COL18A1: variants seen among roughly 807,000 people sequenced by gnomAD.
The protein encoded by COL18A1 is collagen alpha-1(XVIII) chain.
In COL18A1, 133 loss-of-function variants were observed where a neutral mutation model predicts 168.0. That is an observed-to-expected ratio of 0.79 (90% CI 0.69 to 0.91). COL18A1 has a LOEUF of 0.91. Among genes scored for constraint, COL18A1 ranks in the 40% least tolerant of loss-of-function variants. COL18A1 has a pLI of 0.00. For synonymous variants in COL18A1, 949 were observed against 809.0 expected, an observed-to-expected ratio of 1.17 and a Z score of -2.94; for missense variants, 2,126 against 1,925.4, an observed-to-expected ratio of 1.10 and a Z score of -1.95.
At chr21:45,466,915 C>T (rs79773774) in intron 2 of COL18A1, among the ~76,000 whole-genome samples, 4,439 of 152,314 alleles carry the variant, frequency 0.029, 229 homozygotes, top group African/African-American at 0.1. Flanking sequence ...ATCACAGCCC[C>T]AGCTTGGACA....
At position 45,512,559 on chromosome 21, in the gene COL18A1, A is replaced by G; in HGVS notation, c.*161A>G. 1 of 692,724 alleles carries G rather than the reference A, an allele frequency of 1.4e-6. No homozygotes were observed. The highest frequency in any genetic ancestry group is 1.8e-5 in the South Asian group (1 of 55,330). The allele number at this position is 692,724 out of a possible 1,614,324, so 42.9% of individuals were successfully genotyped here. On this transcript the variant is annotated 3_prime_UTR_variant, in exon 42 of 42. Transcript: ENST00000651438. The stretch of plus-strand genomic sequence containing the variant: ...AATCCTCAAGAAATAAAAGGAAGCC[A>G]AAGAGTGTATTTTTTTAAAAGTTTA...
intron 6 of COL18A1, among the ~76,000 whole-genome samples, 173 bp downstream of exon 6, chr21:45,476,653 TTTGA>T (rs1164665300): frequency 6.6e-6 from 1 of 151,402 alleles, no homozygotes; most frequent in Non-Finnish European, 1.5e-5. Context: ...ATGGCAGGTG[TTTGA>T]TGTGTGGTGT....
In COL18A1 at chr21:45,509,482, C is replaced by T; in HGVS notation, c.3376C>T (p.Pro1126Ser). The change falls in exon 39 of 42, where the codon CCT becomes TCT. Residue 1126 changes from proline (P) to serine (S), a missense_variant. Transcript: ENST00000651438. ...WRADDILASP[P>S]RLPEPQPYPG... Reference sequence around the variant, plus strand: ...GGCAGATGACATCCTGGCCAGCCCCCCTCGCCTGCCCGAGCCCCAGCCCTA... The same window carrying T: ...GGCAGATGACATCCTGGCCAGCCCCTCTCGCCTGCCCGAGCCCCAGCCCTA... 1 of 1,526,586 alleles carries T rather than the reference C, an allele frequency of 6.6e-7. No homozygotes were observed. The highest frequency in any genetic ancestry group is 8.8e-7 in the Non-Finnish European group (1 of 1,134,142). 94.6% of individuals were successfully genotyped at this position (1,526,586 alleles called of 1,614,324 possible). A position where few individuals can be genotyped will look rare whatever the true frequency, so the allele number is the denominator to read the frequency against.
intron 2 of COL18A1, among the ~76,000 whole-genome samples, chr21:45,445,573 G>A (rs545283491): frequency 1.3e-5 from 2 of 152,312 alleles, no homozygotes; most frequent in African/African-American, 4.8e-5. Flanking sequence ...GTCCCTTCCT[G>A]CAGCCTTGGG....
chr21:45,452,511 CGT>C (rs35453911), intron 2 of COL18A1, among the ~76,000 whole-genome samples: 32,137 of 151,368 alleles, frequency 0.21, 3,356 homozygotes, highest in East Asian at 0.25. Context: ...ATTCACGTGA[CGT>C]GTGAGCATGC....
chr21:45,449,496 A>G (rs2034575117), intron 2 of COL18A1, among the ~76,000 whole-genome samples: 1 of 152,120 alleles, frequency 6.6e-6, no homozygotes, highest in South Asian at 2.1e-4. Flanking sequence ...GGGAAGAGCT[A>G]AGAGAAGCCT....
intron 2 of COL18A1, among the ~76,000 whole-genome samples, chr21:45,434,655 C>T (rs1229375010): frequency 6.6e-6 from 1 of 152,242 alleles, no homozygotes; most frequent in Non-Finnish European, 1.5e-5. Context: ...AATGAATTTG[C>T]ATCTGGACGT....
rs771434230 is a variant in COL18A1 at position 45,405,507 on chromosome 21, G to T, written c.106+34G>T. On this transcript the variant is annotated intron_variant, in intron 2 of 41. Transcript: ENST00000651438. ...CGGGCGGGACGGGAAGGTTCGCGCC[G>T]GTGCCCGCCGGCCTCGCCGCCCTGG... is the stretch of plus-strand genomic sequence containing the variant. 4.4e-5 allele frequency: 55 copies of T among 1,255,808 alleles called. No homozygotes were observed. The African/African-American group carries it at 4.9e-4, about 11-fold the overall frequency. 77.8% of individuals were successfully genotyped at this position (1,255,808 alleles called of 1,614,324 possible). A position where few individuals can be genotyped will look rare whatever the true frequency, so the allele number is the denominator to read the frequency against.
At chr21:45,435,965 C>A (rs2034084714) in intron 2 of COL18A1, among the ~76,000 whole-genome samples, 1 of 152,216 alleles carries the variant, frequency 6.6e-6, no homozygotes, top group Admixed American at 6.5e-5. Context: ...TCCTTCACAG[C>A]AGAGCTGTGG....
At chr21:45,484,822 AG>A (rs1175135231) in intron 15 of COL18A1, among the ~76,000 whole-genome samples, 2 of 152,178 alleles carry the variant, frequency 1.3e-5, no homozygotes, top group Non-Finnish European at 2.9e-5. Context: ...TGAGTTAAGC[AG>A]GGGAGGAATA....
chr21:45,480,420 G>A (rs367920042), intron 11 of COL18A1, 47 bp from the exon 12 acceptor site: 15 of 1,613,476 alleles, frequency 9.3e-6, no homozygotes, highest in South Asian at 4.4e-5. Context: ...TAGGCCAGGC[G>A]GGGGGCCGAG....
rs540468774 is a variant in COL18A1, at chr21:45,506,105, T to C, written c.3216+139T>C. ...CAGCGCTTCTTAAACTTTCAAACTT[T>C]TGGTAAAGTTTAGTAAAATACTTTT... On this transcript the variant is annotated intron_variant, in intron 37 of 41. Transcript: ENST00000651438. 2.6e-4 allele frequency: 347 copies of C among 1,338,818 alleles called. 2 individuals carry two copies. In the African/African-American group the frequency reaches 4.4e-3, roughly 17 times the overall value. 82.9% of individuals were successfully genotyped at this position (1,338,818 alleles called of 1,614,324 possible).
intron 9 of COL18A1, 48 bp from the exon 10 acceptor site, chr21:45,479,853 GC>G (rs1568907762): frequency 1.9e-6 from 3 of 1,611,362 alleles, no homozygotes; most frequent in Non-Finnish European, 2.5e-6. Context: ...GCTGGGTGCG[GC>G]CCATGGTGGT....
rs1391278333 is a variant in COL18A1, at chr21:45,505,928, C to G, written c.3178C>G (p.Leu1060Val). Residue 1060 changes from leucine to valine, a missense_variant, in exon 37 of 42, where the codon CTC (leucine) becomes GTC (valine). By Grantham distance (32) the Leu-to-Val change is conservative (BLOSUM62 1). Transcript: ENST00000651438. ...CATCTTCGTGGCCGAGCAGGAGGAG[C>G]TCTACGTCCGCGTGCAGAACGGGTT... ...WLIFVAEQEE[L>V]YVRVQNGFRK... The G allele has an allele frequency of 6.2e-7, 1 of 1,613,106 alleles. No individual in the cohort carries two copies. The highest frequency in any genetic ancestry group is 1.3e-5 in the African/African-American group (1 of 74,928).
chr21:45,489,838 TC>T (rs1395606275), intron 19 of COL18A1, among the ~76,000 whole-genome samples: 2 of 10,762 alleles, frequency 1.9e-4, no homozygotes, highest in African/African-American at 8.6e-4. Flanking sequence ...GACTTCCCCC[TC>T]CCCCACACTG....
chr21:45,486,791 G>C, intron 15 of COL18A1, 70 bp from the exon 16 acceptor site: 1 of 1,500,346 alleles, frequency 6.7e-7, no homozygotes, highest in Non-Finnish European at 8.9e-7. Context: ...AAGAAAACGT[G>C]TCTACGCTGG....
At chr21:45,429,027 C>T (rs568789328) in intron 2 of COL18A1, among the ~76,000 whole-genome samples, 2 of 151,964 alleles carry the variant, frequency 1.3e-5, no homozygotes, top group South Asian at 2.1e-4. Context: ...CTCAGCCTCC[C>T]GAGTAGCTGG....
rs2036388970 is a variant in COL18A1, at chr21:45,492,569, G to A, written c.2187+5G>A. On this transcript the variant is annotated splice_donor_5th_base_variant and intron_variant, in intron 23 of 41. Coordinates refer to ENST00000651438, the MANE Select transcript of COL18A1 (RefSeq NM_001379500.1). ...CTGAGCGTGCCGGGACCTGAGGTAT[G>A]TGCCTGCCCAGCTTCTAAGAGACGG... 1 of 1,613,198 alleles carries A rather than the reference G, an allele frequency of 6.2e-7. No homozygotes were observed. The highest frequency in any genetic ancestry group is 8.5e-7 in the Non-Finnish European group (1 of 1,179,998).
At chr21:45,470,259 G>C (rs1205492327) in intron 3 of COL18A1, among the ~76,000 whole-genome samples, 1 of 152,156 alleles carries the variant, frequency 6.6e-6, no homozygotes, top group Non-Finnish European at 1.5e-5. Flanking sequence ...TTTATTGTCT[G>C]TTTGTATTTC....
Sources: gnomAD v4.1 joint callset for allele counts (sites outside exome capture counted in the v4.1 genomes callset) on GRCh38, gnomAD v4.1.1 for gene constraint, MANE v1.5 for transcripts, NCBI Gene and HGNC (gene_info 2026-07-23, HGNC 2026-07-21) for gene names.